Variants in FHDC1 observed in about 807,000 individuals in gnomAD.
FHDC1 encodes FH2 domain-containing protein 1.
Under a neutral mutation model 52.6 loss-of-function variants are expected in FHDC1, and 25 were observed. The observed-to-expected ratio is 0.48, with a 90% confidence interval of 0.35 to 0.66. The LOEUF is 0.66. Ranked by LOEUF, FHDC1 falls within the 30% of genes least tolerant of loss-of-function variation. The pLI is 0.01. For synonymous variants in FHDC1, 616 were observed against 581.5 expected (o/e 1.06, Z -0.85); for missense variants, 1,459 against 1,452.8 (o/e 1.00, Z -0.07).
intron 4 of FHDC1, 125 bp downstream of exon 4, chr4:152,954,444 T>C: frequency 7.4e-6 from 5 of 672,524 alleles, no homozygotes; most frequent in South Asian, 1.8e-5. Context: ...CCCAGCACTT[T>C]GGGAGGCAGA....
chr4:152,964,367 C>G lies in FHDC1; in HGVS notation c.1030-538C>G, dbSNP rs1035130287. ...GGTCGTGGATAGTATTCGGGCAAAG[C>G]TCTCCTGAATCCAAGTGTCCAGGCC... On this transcript the variant is annotated intron_variant, in intron 8 of 11. Transcript: ENST00000511601. Among the ~76,000 whole-genome samples the G allele has an allele frequency of 4.0e-4, 61 of 152,232 alleles. 2 individuals are homozygous for G. The highest frequency in any genetic ancestry group is 4.4e-5 in the Non-Finnish European group (3 of 68,032).
intron 4 of FHDC1, 47 bp from the exon 5 acceptor site, chr4:152,960,518 T>C: frequency 7.1e-7 from 1 of 1,416,282 alleles, no homozygotes; most frequent in Non-Finnish European, 9.9e-7. Flanking sequence ...TCTTAAATTG[T>C]ATTCGTAAGT....
chr4:152,923,223 CAGAG>C, the FHDC1 span, among the ~76,000 whole-genome samples: 7 of 152,164 alleles, frequency 4.6e-5, no homozygotes, highest in Admixed American at 1.3e-4. Context: ...AACAGACAAA[CAGAG>C]AGCCAAATCA....
chr4:152,949,129 A>T (rs1382763753), intron 2 of FHDC1, among the ~76,000 whole-genome samples: 16 of 46,544 alleles, frequency 3.4e-4, no homozygotes, highest in African/African-American at 1.3e-3. Context: ...AATAATAAGA[A>T]GAAGAAGAAG....
At chr4:152,926,579 T>TA in the FHDC1 span, among the ~76,000 whole-genome samples, 698 of 129,058 alleles carry the variant, frequency 5.4e-3, 3 homozygotes, top group African/African-American at 0.011. Flanking sequence ...CTTGGTTAGT[T>TA]AAAAAAAAAA....
the FHDC1 span, among the ~76,000 whole-genome samples, chr4:152,925,203 A>T: frequency 6.6e-6 from 1 of 152,092 alleles, no homozygotes; most frequent in South Asian, 2.1e-4. Flanking sequence ...AAGGTATTTG[A>T]TTTAAAGCAA....
chr4:152,955,868 T>C lies in FHDC1; in HGVS notation c.663+1549T>C, dbSNP rs17029326. Among the ~76,000 whole-genome samples, 1,189 of 152,364 alleles carry C rather than the reference T, an allele frequency of 7.8e-3. 12 individuals are homozygous for C. Among genetic ancestry groups the C allele is most frequent in the African/African-American group, 0.027 (1,117 of 41,588 alleles). On this transcript the variant is annotated intron_variant, in intron 4 of 11. Transcript: ENST00000511601. ...TTCTCCCTCCCCTTTCCCACTCTTC[T>C]TCCCAGACATAATGTATGTAGCTTT... is the stretch of plus-strand genomic sequence containing the variant.
At position 152,960,662 on chromosome 4, in the gene FHDC1, G is replaced by C; in HGVS notation, c.749+12G>C. On this transcript the variant is annotated intron_variant, in intron 5 of 11. Transcript: ENST00000511601. ...ATTCAGGTGCCAAAGTAAGGATACA[G>C]TCGCTGGTTATTATTCTTCACGCAG... 6.2e-7 allele frequency: 1 copy of C among 1,613,922 alleles called. No homozygotes were observed. The highest frequency in any genetic ancestry group is 8.5e-7 in the Non-Finnish European group (1 of 1,179,912).
Position 152,974,694 on chromosome 4 carries a change from C to A in FHDC1, c.1403C>A (p.Ala468Glu), listed in dbSNP as rs755581114. ...CCTCAGGACAACCACGACCGGGAGG[C>A]GCAGGAGCTGAGGCAGCTGCAGAGG... Reference protein sequence around the residue: ...KAVKDNHDREAQELRQLQRLK... With the variant: ...KAVKDNHDREEQELRQLQRLK... Residue 468 changes from alanine to glutamate, a missense_variant, in exon 12 of 12, where the codon GCG becomes GAG. Around this residue, in one of 3 missense-constraint regions of FHDC1, gnomAD observed 513 missense variants for 581.5 expected, o/e 0.88. Coordinates refer to ENST00000511601, the MANE Select transcript of FHDC1 (RefSeq NM_001371116.1). 6.6e-7 allele frequency: 1 copy of A among 1,511,286 alleles called. No homozygotes were observed. The highest frequency in any genetic ancestry group is 1.4e-5 in the African/African-American group (1 of 71,674). 93.6% of individuals were successfully genotyped at this position (1,511,286 alleles called of 1,614,324 possible). A position where few individuals can be genotyped will look rare whatever the true frequency, so the allele number is the denominator to read the frequency against.
chr4:152,943,023 G>A lies in FHDC1; in HGVS notation c.-35G>A. 1 of 1,565,436 alleles carries A rather than the reference G, an allele frequency of 6.4e-7. No individual in the cohort carries two copies. The highest frequency in any genetic ancestry group is 8.7e-7 in the Non-Finnish European group (1 of 1,152,538). On this transcript the variant is annotated 5_prime_UTR_variant, in exon 2 of 12. Transcript: ENST00000511601. The stretch of plus-strand genomic sequence containing the variant: ...TGATGTTTGTGTCTTCTTCTCCAAG[G>A]CCAAGAAATTATCTCCATAGGAGGC...
At position 152,974,760 on chromosome 4, in the gene FHDC1, G is replaced by C. The variant is rs202015131; in HGVS notation, c.1469G>C (p.Gly490Ala). Reference protein sequence around the residue: ...QEQKQRSWATGELGAFGRSSS... With the variant: ...QEQKQRSWATAELGAFGRSSS... ...CAGAAGCAGCGCTCCTGGGCAACTGGGGAGCTGGGGGCATTTGGCCGGAGC... is the reference window on the plus strand; with the variant it reads ...CAGAAGCAGCGCTCCTGGGCAACTGCGGAGCTGGGGGCATTTGGCCGGAGC... Residue 490 changes from glycine (G) to alanine (A), a missense_variant, in exon 12 of 12, where the codon GGG becomes GCG. Physicochemically the swap from Gly to Ala is moderately conservative, Grantham distance 60. Transcript: ENST00000511601. 1.3e-6 allele frequency: 2 copies of C among 1,529,556 alleles called. No individual in the cohort carries two copies. The highest frequency in any genetic ancestry group is 4.5e-5 in the East Asian group (2 of 43,978). The allele number at this position is 1,529,556 out of a possible 1,614,324, so 94.7% of individuals were successfully genotyped here.
At chr4:152,957,277 G>T (rs890666966) in intron 4 of FHDC1, among the ~76,000 whole-genome samples, 3 of 152,182 alleles carry the variant, frequency 2.0e-5, no homozygotes, top group African/African-American at 7.2e-5. Flanking sequence ...GCACTGACTG[G>T]ACAGGGCAGA....
At chr4:152,946,141 G>T (rs1172105830) in intron 2 of FHDC1, among the ~76,000 whole-genome samples, 1 of 152,172 alleles carries the variant, frequency 6.6e-6, no homozygotes, top group African/African-American at 2.4e-5. Context: ...GGACAGCTGG[G>T]TTGCTTCCAC....
At chr4:152,942,808 T>C in intron 1 of FHDC1, 120 bp from the exon 2 acceptor site, 1 of 444,150 alleles carries the variant, frequency 2.3e-6, no homozygotes, top group Non-Finnish European at 3.9e-6. Flanking sequence ...TGGGATGTGT[T>C]GCCCCTCATT....
intron 8 of FHDC1, 136 bp downstream of exon 8, chr4:152,963,266 G>C: frequency 1.4e-6 from 1 of 715,796 alleles, no homozygotes; most frequent in Non-Finnish European, 2.3e-6. Flanking sequence ...TCTGTTTGTA[G>C]AAGCGCCATT....
chr4:152,937,141 T>G (rs1300412442), intron 1 of FHDC1, among the ~76,000 whole-genome samples: 2 of 151,524 alleles, frequency 1.3e-5, no homozygotes, highest in East Asian at 1.9e-4. Flanking sequence ...ACGCCAGGAG[T>G]CTCCCCTCTG....
At chr4:152,963,855 G>A (rs1317185376) in intron 8 of FHDC1, among the ~76,000 whole-genome samples, 2 of 127,318 alleles carry the variant, frequency 1.6e-5, no homozygotes, top group Non-Finnish European at 3.1e-5. Context: ...GAAAATCAAG[G>A]ACAGTTATAT....
chr4:152,920,855 A>T, the FHDC1 span, among the ~76,000 whole-genome samples: 8 of 138,274 alleles, frequency 5.8e-5, no homozygotes, highest in Admixed American at 4.4e-4. Context: ...TGTCTTTTTA[A>T]AAAAAAAAAC....
intron 2 of FHDC1, among the ~76,000 whole-genome samples, chr4:152,951,388 C>G (rs998439233): frequency 5.9e-5 from 9 of 152,062 alleles, no homozygotes; most frequent in Admixed American, 5.9e-4. Flanking sequence ...TTACACTGAA[C>G]TTGAACTGCA....
Sources: gnomAD v4.1 joint callset for allele counts (sites outside exome capture counted in the v4.1 genomes callset) on GRCh38, gnomAD v4.1.1 for gene constraint, gnomAD v4.1.1 regional missense constraint, MANE v1.5 for transcripts, NCBI Gene and HGNC (gene_info 2026-07-23, HGNC 2026-07-21) for gene names.